The following ZNF385D variants were observed in gnomAD, a reference collection of about 807,000 sequenced individuals.
The protein encoded by ZNF385D is zinc finger protein 385D.
Under a neutral mutation model 35.8 loss-of-function variants are expected in ZNF385D, and 15 were observed. That is an observed-to-expected ratio of 0.42 (90% CI 0.28 to 0.64). ZNF385D has a LOEUF of 0.64. Ranked by LOEUF, ZNF385D falls within the 30% of genes least tolerant of loss-of-function variation. ZNF385D has a pLI of 0.23. For synonymous variants in ZNF385D, 212 were observed against 186.8 expected (o/e 1.13, Z -1.10); for missense variants, 474 against 494.6 (o/e 0.96, Z 0.39).
intron 3 of ZNF385D, among the ~76,000 whole-genome samples, chr3:21,528,390 G>A (rs979913888): frequency 2.0e-5 from 3 of 152,136 alleles, no homozygotes; most frequent in Non-Finnish European, 4.4e-5. Flanking sequence ...CTGGCTACTT[G>A]ACTGAGTGAT....
intron 3 of ZNF385D, among the ~76,000 whole-genome samples, chr3:21,927,791 A>G (rs1398851993): frequency 6.6e-6 from 1 of 152,192 alleles, no homozygotes; most frequent in African/African-American, 2.4e-5. Context: ...CACATTTACA[A>G]ACACATATTC....
intron 2 of ZNF385D, among the ~76,000 whole-genome samples, chr3:22,204,195 T>C (rs1696996186): frequency 6.6e-6 from 1 of 152,048 alleles, no homozygotes; most frequent in African/African-American, 2.4e-5. Context: ...TAACAAGAGT[T>C]TCTGTCTGGT....
chr3:22,356,020 G>T (rs1696132169), intron 2 of ZNF385D, among the ~76,000 whole-genome samples: 1 of 151,928 alleles, frequency 6.6e-6, no homozygotes, highest in South Asian at 2.1e-4. Flanking sequence ...ACTTTCCAAA[G>T]ATCCAGCATG....
intron 2 of ZNF385D, among the ~76,000 whole-genome samples, chr3:22,316,752 C>A (rs571686348): frequency 5.9e-5 from 9 of 152,246 alleles, no homozygotes; most frequent in African/African-American, 2.2e-4. Context: ...TACACAGCTA[C>A]CAAGTCAGCT....
At chr3:21,924,254 G>A (rs1178964989) in intron 3 of ZNF385D, among the ~76,000 whole-genome samples, 1 of 152,098 alleles carries the variant, frequency 6.6e-6, no homozygotes, top group East Asian at 1.9e-4. Flanking sequence ...CACTCTTAAA[G>A]GTGAAGAGAA....
chr3:21,967,506 G>C (rs1258282975), intron 3 of ZNF385D, among the ~76,000 whole-genome samples: 1 of 152,210 alleles, frequency 6.6e-6, no homozygotes, highest in African/African-American at 2.4e-5. Flanking sequence ...CTACAGAGCT[G>C]CTAAAACAGC....
At chr3:22,107,032 T>TG (rs1702256744) in intron 3 of ZNF385D, among the ~76,000 whole-genome samples, 1 of 147,338 alleles carries the variant, frequency 6.8e-6, no homozygotes, top group Non-Finnish European at 1.5e-5. Context: ...GAGAGTTTTT[T>TG]TTTTTTTTTT....
chr3:21,446,538 G>A (rs1458784133), intron 4 of ZNF385D, among the ~76,000 whole-genome samples: 3 of 127,736 alleles, frequency 2.3e-5, no homozygotes, highest in Non-Finnish European at 4.6e-5. Context: ...CTATCATGCA[G>A]GCTGGAGTGC....
chr3:21,702,562 C>T (rs1439434443), intron 1 of ZNF385D, among the ~76,000 whole-genome samples: 1 of 152,242 alleles, frequency 6.6e-6, no homozygotes, highest in African/African-American at 2.4e-5. Context: ...ATTTCTGCAG[C>T]CAGCTTGAAT....
chr3:22,286,391 TATTTC>T (rs1349489689), intron 2 of ZNF385D, among the ~76,000 whole-genome samples: 1 of 152,086 alleles, frequency 6.6e-6, no homozygotes, highest in Non-Finnish European at 1.5e-5. Flanking sequence ...TCCTACTCTC[TATTTC>T]ATTTATTTCT....
intron 2 of ZNF385D, among the ~76,000 whole-genome samples, chr3:22,226,957 A>G (rs1043881218): frequency 1.3e-5 from 2 of 152,152 alleles, no homozygotes; most frequent in Non-Finnish European, 1.5e-5. Flanking sequence ...GCAAATGCCA[A>G]TATGGAAAAA....
chr3:22,288,449 GT>G (rs111854228), intron 2 of ZNF385D, among the ~76,000 whole-genome samples: 2 of 151,476 alleles, frequency 1.3e-5, no homozygotes, highest in East Asian at 3.9e-4. Flanking sequence ...TTTCTTTTTT[GT>G]TTAAGTGGAT....
At chr3:21,714,841 T>C (rs1342176901) in intron 1 of ZNF385D, among the ~76,000 whole-genome samples, 1 of 152,196 alleles carries the variant, frequency 6.6e-6, no homozygotes, top group African/African-American at 2.4e-5. Context: ...TCATTGTGTA[T>C]GTTTATGATA....
At chr3:21,606,824 C>T (rs1482100277) in intron 2 of ZNF385D, among the ~76,000 whole-genome samples, 1 of 152,226 alleles carries the variant, frequency 6.6e-6, no homozygotes, top group Non-Finnish European at 1.5e-5. Context: ...ATGCTGGAGG[C>T]AGAAAGCTGC....
At chr3:21,831,420 G>C (rs1192005582) in intron 3 of ZNF385D, among the ~76,000 whole-genome samples, 1 of 152,094 alleles carries the variant, frequency 6.6e-6, no homozygotes, top group Non-Finnish European at 1.5e-5. Flanking sequence ...ATAGTTAATT[G>C]ATTCAGTGAC....
chr3:22,167,229 A>G (rs1706394669), intron 3 of ZNF385D, among the ~76,000 whole-genome samples: 1 of 152,178 alleles, frequency 6.6e-6, no homozygotes. Context: ...TATTTTACAA[A>G]TACCAACCCT....
At chr3:22,317,959 T>C (rs948388016) in intron 2 of ZNF385D, among the ~76,000 whole-genome samples, 5 of 151,856 alleles carry the variant, frequency 3.3e-5, no homozygotes, top group African/African-American at 1.2e-4. Context: ...ACTGGGAGGC[T>C]GCACTGGGAG....
chr3:22,189,311 C>T (rs966073511), intron 2 of ZNF385D, among the ~76,000 whole-genome samples: 3 of 152,144 alleles, frequency 2.0e-5, no homozygotes, highest in East Asian at 1.9e-4. Context: ...AGGAACCATA[C>T]ATAGGGCAAC....
intron 2 of ZNF385D, among the ~76,000 whole-genome samples, chr3:21,616,561 C>T (rs1238520887): frequency 6.6e-6 from 1 of 152,090 alleles, no homozygotes; most frequent in East Asian, 1.9e-4. Flanking sequence ...CAAAACAAGG[C>T]ATATTTAGTC....
Sources: gnomAD v4.1 joint callset for allele counts (sites outside exome capture counted in the v4.1 genomes callset) on GRCh38, gnomAD v4.1.1 for gene constraint, MANE v1.5 for transcripts, NCBI Gene and HGNC (gene_info 2026-07-23, HGNC 2026-07-21) for gene names.